The following JARID2 variants were observed in gnomAD, a reference collection of about 807,000 sequenced individuals.
The protein encoded by JARID2 is protein Jumonji.
Under a neutral mutation model 125.6 loss-of-function variants are expected in JARID2, and 21 were observed. The observed-to-expected ratio is 0.17, with a 90% CI of 0.12 to 0.24. JARID2 has a LOEUF of 0.24. JARID2 is among the 10% of genes least tolerant of loss of function. JARID2 has a pLI of 1.00. For synonymous variants in JARID2, 736 were observed against 661.6 expected, an observed-to-expected ratio of 1.11 and a Z score of -1.73; for missense variants, 1,303 against 1,639.6, an observed-to-expected ratio of 0.79 and a Z score of 3.55.
At chr6:15,255,030 AAAAAACACCAC>A (rs1759606261) in intron 1 of JARID2, among the ~76,000 whole-genome samples, 1 of 151,834 alleles carries the variant, frequency 6.6e-6, no homozygotes, top group Admixed American at 6.6e-5. Context: ...AAAAACAAAA[AAAAAACACCAC>A]AAAAACACAC....
At chr6:15,433,921 G>GGTGTGTGTGTGTGTGTGTGTGT (rs146025914) in intron 3 of JARID2, among the ~76,000 whole-genome samples, 2 of 131,312 alleles carry the variant, frequency 1.5e-5, no homozygotes, top group East Asian at 2.4e-4. Context: ...CACTCTCCAG[G>GGTGTGTGTGTGTGTGTGTGTGT]GTGTGTGTGT....
intron 3 of JARID2, among the ~76,000 whole-genome samples, chr6:15,412,419 A>G (rs968731026): frequency 6.6e-6 from 1 of 151,992 alleles, no homozygotes; most frequent in Non-Finnish European, 1.5e-5. Flanking sequence ...AGCGATTCTC[A>G]TGCCTCAGCC....
intron 1 of JARID2, among the ~76,000 whole-genome samples, chr6:15,327,977 GA>G (rs1762587873): frequency 2.0e-5 from 3 of 152,066 alleles, no homozygotes; most frequent in Non-Finnish European, 4.4e-5. Flanking sequence ...TGTTTTCAGA[GA>G]ACCCCTACCA....
intron 2 of JARID2, among the ~76,000 whole-genome samples, chr6:15,386,446 C>T (rs141282890): frequency 5.0e-4 from 76 of 152,274 alleles, no homozygotes; most frequent in East Asian, 1.5e-3. Flanking sequence ...CTTCCTATCA[C>T]GCTGAAAAGG....
At chr6:15,277,413 C>T (rs181418983) in intron 1 of JARID2, among the ~76,000 whole-genome samples, 5 of 152,224 alleles carry the variant, frequency 3.3e-5, no homozygotes, top group East Asian at 1.9e-4. Context: ...CATGAGCCAC[C>T]GTGCTCTTGG....
intron 1 of JARID2, among the ~76,000 whole-genome samples, chr6:15,361,527 A>T (rs548116979): frequency 6.6e-6 from 1 of 152,200 alleles, no homozygotes; most frequent in Non-Finnish European, 1.5e-5. Flanking sequence ...AACTGTAAGG[A>T]TAGGAAGAAT....
At chr6:15,304,012 G>T (rs1761722795) in intron 1 of JARID2, among the ~76,000 whole-genome samples, 1 of 152,128 alleles carries the variant, frequency 6.6e-6, no homozygotes, top group Middle Eastern at 3.2e-3. Context: ...TGTTCTCTGG[G>T]CCTCTGTTTC....
At chr6:15,407,177 A>C (rs1208827480) in intron 2 of JARID2, among the ~76,000 whole-genome samples, 1 of 152,024 alleles carries the variant, frequency 6.6e-6, no homozygotes, top group East Asian at 1.9e-4. Context: ...TGAGCCTAGG[A>C]GGACTGCTTG....
At chr6:15,320,107 A>AT (rs1205318156) in intron 1 of JARID2, among the ~76,000 whole-genome samples, 9 of 152,188 alleles carry the variant, frequency 5.9e-5, no homozygotes, top group Admixed American at 5.9e-4. Context: ...TGTTTCAAAT[A>AT]TTTACCATGG....
rs1332780131 is a variant in JARID2, at chr6:15,468,628, G to T, written c.580G>T (p.Asp194Tyr). Residue 194 changes from aspartate to tyrosine, a missense_variant, in exon 5 of 18, where the codon GAC (aspartate) becomes TAC (tyrosine). Asp to Tyr is a radical substitution (Grantham distance 160, BLOSUM62 -3). Coordinates refer to ENST00000341776, the MANE Select transcript of JARID2 (RefSeq NM_004973.4). The part of the protein sequence containing the change: ...EVEEEDDETE[D>Y]VKTATNNASS... Reference sequence around the variant, plus strand: ...CGAGGAGGAAGATGATGAGACAGAAGACGTCAAAACAGCCACCAACAATGC... The same window carrying T: ...CGAGGAGGAAGATGATGAGACAGAATACGTCAAAACAGCCACCAACAATGC... 3 of 1,614,124 alleles carry T rather than the reference G, an allele frequency of 1.9e-6. No homozygotes were observed. The highest frequency in any genetic ancestry group is 2.5e-6 in the Non-Finnish European group (3 of 1,180,002).
rs1029928187 is a variant in JARID2, at chr6:15,268,779, C to T, written c.45+22195C>T. ...TGCTTCAGTTGGCAGAATGCTCACA[C>T]GCAGCTGCAAAGAATTTGCTTTTCC... On this transcript the variant is annotated intron_variant, in intron 1 of 17. Coordinates refer to ENST00000341776, the MANE Select transcript of JARID2 (RefSeq NM_004973.4). Among the ~76,000 whole-genome samples, 9 of 152,326 alleles carry T rather than the reference C, an allele frequency of 5.9e-5. No individual in the cohort carries two copies. In the South Asian group the frequency reaches 6.2e-4, roughly 11 times the overall value.
intron 1 of JARID2, among the ~76,000 whole-genome samples, chr6:15,359,973 C>A (rs919675671): frequency 2.0e-5 from 3 of 152,082 alleles, no homozygotes; most frequent in African/African-American, 7.2e-5. Context: ...AGGCGTGAGC[C>A]ACCACGTCTG....
intron 1 of JARID2, among the ~76,000 whole-genome samples, chr6:15,346,331 T>C (rs1361039926): frequency 6.6e-6 from 1 of 152,244 alleles, no homozygotes; most frequent in African/African-American, 2.4e-5. Flanking sequence ...TTTTCTTTAC[T>C]GTCTGCTGTT....
Position 15,366,936 on chromosome 6 carries a change from G to A in JARID2, c.46-7181G>A, listed in dbSNP as rs115239219. Among the ~76,000 whole-genome samples the A allele has an allele frequency of 7.4e-3, 1,132 of 151,962 alleles. 14 individuals carry two copies. The highest frequency in any genetic ancestry group is 0.026 in the African/African-American group (1,074 of 41,314). On this transcript the variant is annotated intron_variant, in intron 1 of 17. Coordinates refer to ENST00000341776, the MANE Select transcript of JARID2 (RefSeq NM_004973.4). The stretch of plus-strand genomic sequence containing the variant: ...TTTGTTTTATAATATTTATTGTAGT[G>A]GCTTTATTTCTTTTTGGAGATATGG...
intron 1 of JARID2, among the ~76,000 whole-genome samples, chr6:15,261,954 G>C (rs57650809): frequency 0.15 from 22,425 of 151,602 alleles, 2,339 homozygotes; most frequent in African/African-American, 0.3. Flanking sequence ...CTAATTTTTT[G>C]TATTTTTAGT....
intron 7 of JARID2, among the ~76,000 whole-genome samples, chr6:15,499,474 G>C (rs1770625043): frequency 6.6e-6 from 1 of 152,192 alleles, no homozygotes; most frequent in Non-Finnish European, 1.5e-5. Context: ...AGTGAAATAT[G>C]AAAGTGTGGA....
intron 1 of JARID2, among the ~76,000 whole-genome samples, chr6:15,340,514 T>G (rs1483623087): frequency 6.6e-6 from 1 of 152,236 alleles, no homozygotes; most frequent in African/African-American, 2.4e-5. Flanking sequence ...CCTTCAGGTT[T>G]ATAAAGACTA....
chr6:15,466,941 G>T (rs533978898), intron 4 of JARID2, among the ~76,000 whole-genome samples: 7 of 152,284 alleles, frequency 4.6e-5, no homozygotes, highest in African/African-American at 1.7e-4. Context: ...AAGGGGAGGG[G>T]AACAAAACAT....
chr6:15,396,384 A>C (rs1486490700), intron 2 of JARID2, among the ~76,000 whole-genome samples: 1 of 152,116 alleles, frequency 6.6e-6, no homozygotes, highest in Non-Finnish European at 1.5e-5. Context: ...AAGTCTTATG[A>C]TTTTTCTTAA....
Sources: allele counts gnomAD v4.1 joint callset (sites outside exome capture counted in the v4.1 genomes callset), GRCh38; gene constraint gnomAD v4.1.1; transcripts MANE v1.5; gene names NCBI Gene and HGNC (gene_info 2026-07-23, HGNC 2026-07-21).